Variants in CFAP157 observed in about 807,000 individuals in gnomAD.
CFAP157 encodes cilia and flagella associated protein 157, also known as cilia- and flagella-associated protein 157.
Under a neutral mutation model 57.8 loss-of-function variants are expected in CFAP157, and 43 were observed. That is an observed-to-expected ratio of 0.74 (90% CI 0.58 to 0.96). The LOEUF is 0.96. Among genes scored for constraint, CFAP157 ranks in the 40% least tolerant of loss-of-function variants. CFAP157 has a pLI of 0.00. For missense variants in CFAP157, 606 were observed against 655.3 expected (o/e 0.92, Z 0.82); for synonymous variants, 267 against 269.0 (o/e 0.99, Z 0.07).
chr9:127,713,759 G>T (rs569659059), intron 8 of CFAP157, 75 bp from the exon 9 acceptor site: 1 of 1,249,284 alleles, frequency 8.0e-7, no homozygotes, highest in Non-Finnish European at 1.2e-6. Context: ...CCCCAGCCTC[G>T]GCCTCCCAAA....
intron 1 of CFAP157, among the ~76,000 whole-genome samples, 158 bp downstream of exon 1, chr9:127,707,350 T>C (rs1002794558): frequency 1.3e-5 from 2 of 152,222 alleles, no homozygotes; most frequent in African/African-American, 2.4e-5. Flanking sequence ...TCCTCATACG[T>C]ACCTTTGGGA....
Position 127,709,351 on chromosome 9 carries a change from T to G in CFAP157, c.162-71T>G. The stretch of plus-strand genomic sequence containing the variant: ...TTACGGGACAGGGAGTCCAGGAGAG[T>G]GGGCCCAGCTGCACCAGAGGCCTGG... On this transcript the variant is annotated intron_variant, in intron 1 of 8. Transcript: ENST00000373295. This position sits in a 1 kb window ranked among gnomAD's most constrained non-coding sequence, Gnocchi z 4.7. 6.6e-7 allele frequency: 1 copy of G among 1,507,500 alleles called. No individual in the cohort carries two copies. The highest frequency in any genetic ancestry group is 9.0e-7 in the Non-Finnish European group (1 of 1,111,578). 93.4% of individuals were successfully genotyped at this position (1,507,500 alleles called of 1,614,324 possible). A position where few individuals can be genotyped will look rare whatever the true frequency, so the allele number is the denominator to read the frequency against.
At position 127,709,827 on chromosome 9, in the gene CFAP157, A is replaced by G. The variant is rs1842724003; in HGVS notation, c.433+134A>G. On this transcript the variant is annotated intron_variant, in intron 2 of 8. Coordinates refer to ENST00000373295, the MANE Select transcript of CFAP157 (RefSeq NM_001012502.3). The surrounding 1 kb of genome is among the most constrained non-coding windows in gnomAD (Gnocchi z 4.7). ...CACTGTCTTCCTTAATTGTCCCAGC[A>G]ATCCTACGAAGCTGGAAACATCCCC... 1 of 1,052,320 alleles carries G rather than the reference A, an allele frequency of 9.5e-7. No homozygotes were observed. The highest frequency in any genetic ancestry group is 1.6e-5 in the African/African-American group (1 of 62,214). The allele number at this position is 1,052,320 out of a possible 1,614,324, so 65.2% of individuals were successfully genotyped here.
Position 127,714,172 on chromosome 9 carries a change from C to A in CFAP157, c.*267C>A, listed in dbSNP as rs749361456. On this transcript the variant is annotated 3_prime_UTR_variant, in exon 9 of 9. Coordinates refer to ENST00000373295, the MANE Select transcript of CFAP157 (RefSeq NM_001012502.3). ...AGATCAGGTCGGTGGCTCGATCCAG[C>A]AACAGAGGCAGCAGCTCCTGCTCAG... 9 of 1,613,938 alleles carry A rather than the reference C, an allele frequency of 5.6e-6. No individual in the cohort carries two copies. The South Asian group carries it at 9.9e-5, about 18-fold the overall frequency.
chr9:127,713,388 C>A, intron 8 of CFAP157, 182 bp downstream of exon 8: 1 of 529,390 alleles, frequency 1.9e-6, no homozygotes, highest in Non-Finnish European at 3.2e-6. Context: ...AGCATGCCCA[C>A]ACATGCCCTG....
Position 127,714,532 on chromosome 9 carries a change from C to A in CFAP157, c.*627C>A. On this transcript the variant is annotated 3_prime_UTR_variant, in exon 9 of 9. Coordinates refer to ENST00000373295, the MANE Select transcript of CFAP157 (RefSeq NM_001012502.3). The stretch of plus-strand genomic sequence containing the variant: ...AGCCCATTTCCTGTGGAGACTGGGT[C>A]AGCAGCCCTACTCCACCCCAACTGG... 6.3e-7 allele frequency: 1 copy of A among 1,590,858 alleles called. No individual in the cohort carries two copies. The highest frequency in any genetic ancestry group is 1.1e-5 in the South Asian group (1 of 90,484).
rs774657891 is a variant in CFAP157, at chr9:127,715,623, A to G, written c.*1718A>G. 2.5e-6 allele frequency: 4 copies of G among 1,612,502 alleles called. No homozygotes were observed. The highest frequency in any genetic ancestry group is 3.4e-6 in the Non-Finnish European group (4 of 1,179,896). ...ACTCAGCCGCTGTCCGGCGCCCAAA[A>G]AGCCGCCCGGCCTCATGCTGCCCCC... On this transcript the variant is annotated 3_prime_UTR_variant, in exon 9 of 9. Coordinates refer to ENST00000373295, the MANE Select transcript of CFAP157 (RefSeq NM_001012502.3). This position sits in a 1 kb window ranked among gnomAD's most constrained non-coding sequence, Gnocchi z 5.8.
chr9:127,707,287 G>A (rs528494136), intron 1 of CFAP157, 95 bp downstream of exon 1: 2 of 1,380,640 alleles, frequency 1.4e-6, no homozygotes, highest in African/African-American at 1.4e-5. Context: ...CCTTAGGCCT[G>A]TGTTCTGACC....
intron 2 of CFAP157, 119 bp from the exon 3 acceptor site, chr9:127,710,482 C>T: frequency 7.1e-6 from 9 of 1,275,446 alleles, no homozygotes; most frequent in Middle Eastern, 2.7e-4. Context: ...ACCTGCCCCA[C>T]TGAGACCACA....
At position 127,712,720 on chromosome 9, in the gene CFAP157, T is replaced by C; in HGVS notation, c.1149T>C (p.Asp383=). The change falls in exon 7 of 9, where the codon GAT becomes GAC. Residue 383 remains aspartate, a synonymous_variant. Coordinates refer to ENST00000373295, the MANE Select transcript of CFAP157 (RefSeq NM_001012502.3). The part of the protein sequence containing the change: ...FLQNILQMHR[D]EEDSDVDVTF... ...ACCCTCACCAACAGATGCACCGCGA[T>C]GAAGAGGACAGTGACGTTGACGTGA... The C allele has an allele frequency of 6.2e-7, 1 of 1,614,122 alleles. No individual in the cohort carries two copies. Among genetic ancestry groups the C allele is most frequent in the Non-Finnish European group, 8.5e-7 (1 of 1,179,994 alleles).
Position 127,714,156 on chromosome 9 carries a change from C to G in CFAP157, c.*251C>G. The stretch of plus-strand genomic sequence containing the variant: ...TCACGGATGTGGTCCAAGATCAGGT[C>G]GGTGGCTCGATCCAGCAACAGAGGC... On this transcript the variant is annotated 3_prime_UTR_variant, in exon 9 of 9. Coordinates refer to ENST00000373295, the MANE Select transcript of CFAP157 (RefSeq NM_001012502.3). 1 of 1,613,832 alleles carries G rather than the reference C, an allele frequency of 6.2e-7. No individual in the cohort carries two copies. Among genetic ancestry groups the G allele is most frequent in the East Asian group, 2.2e-5 (1 of 44,878 alleles).
At position 127,710,606 on chromosome 9, in the gene CFAP157, A is replaced by G. The variant is rs79991050; in HGVS notation, c.439A>G (p.Lys147Glu). 1 of 1,581,146 alleles carries G rather than the reference A, an allele frequency of 6.3e-7. No individual in the cohort carries two copies. The change falls in exon 3 of 9, where the codon AAG (lysine) becomes GAG (glutamate). Residue 147 changes from lysine to glutamate, a missense_variant. Transcript: ENST00000373295. ...TTGTGCGCTGTGGCGGCCAGGGGGG[A>G]AGCTGGCAGCCCTGGAGGAGTTCCG... is the stretch of plus-strand genomic sequence containing the variant. Reference protein sequence around the residue: ...LTTENIILGGKLAALEEFRLQ... With the variant: ...LTTENIILGGELAALEEFRLQ...
rs2131593830 is a variant in CFAP157 at position 127,713,200 on chromosome 9, C to T, written c.1485C>T (p.Ser495=). The change falls in exon 8 of 9, where the codon AGC becomes AGT. Residue 495 remains serine, a synonymous_variant. Coordinates refer to ENST00000373295, the MANE Select transcript of CFAP157 (RefSeq NM_001012502.3). ...TRVGTFRAHS[S]PEMRAPGSLK... ...TGGGGACCTTCCGGGCACACAGCAG[C>T]CCTGAGGTGAGGGTGCCAGGGGCCC... The T allele has an allele frequency of 6.5e-7, 1 of 1,530,326 alleles. No homozygotes were observed. Among genetic ancestry groups the T allele is most frequent in the Non-Finnish European group, 8.8e-7 (1 of 1,138,656 alleles). 94.8% of individuals were successfully genotyped at this position (1,530,326 alleles called of 1,614,324 possible). A position where few individuals can be genotyped will look rare whatever the true frequency, so the allele number is the denominator to read the frequency against.
At position 127,715,599 on chromosome 9, in the gene CFAP157, C is replaced by G. The variant is rs1377742039; in HGVS notation, c.*1694C>G. Reference sequence around the variant, plus strand: ...CAAAACACATCGGCTCATGGCTCTACTCAGCCGCTGTCCGGCGCCCAAAAA... The same window carrying G: ...CAAAACACATCGGCTCATGGCTCTAGTCAGCCGCTGTCCGGCGCCCAAAAA... On this transcript the variant is annotated 3_prime_UTR_variant, in exon 9 of 9. Coordinates refer to ENST00000373295, the MANE Select transcript of CFAP157 (RefSeq NM_001012502.3). This position sits in a 1 kb window ranked among gnomAD's most constrained non-coding sequence, Gnocchi z 5.8. The G allele has an allele frequency of 6.2e-7, 1 of 1,613,074 alleles. No homozygotes were observed. Among genetic ancestry groups the G allele is most frequent in the South Asian group, 1.1e-5 (1 of 90,966 alleles).
chr9:127,711,000 T>C (rs759512726), intron 3 of CFAP157, among the ~76,000 whole-genome samples: 21 of 152,184 alleles, frequency 1.4e-4, no homozygotes, highest in Non-Finnish European at 2.4e-4. Flanking sequence ...TTGCCACTTA[T>C]TGGGATTAAA....
At position 127,711,486 on chromosome 9, in the gene CFAP157, G is replaced by A; in HGVS notation, c.845G>A (p.Gly282Asp). The change falls in exon 4 of 9, where the codon GGC becomes GAC. Residue 282 changes from glycine to aspartate, a missense_variant. Coordinates refer to ENST00000373295, the MANE Select transcript of CFAP157 (RefSeq NM_001012502.3). ...TQKVMARHKR[G>D]HQKIILMLTK... ...AAGGTCATGGCCAGGCACAAAAGAG[G>A]CCACCAGAAGGTGTGCCTGCAGGCC... 6.2e-7 allele frequency: 1 copy of A among 1,613,298 alleles called. No homozygotes were observed. The highest frequency in any genetic ancestry group is 8.5e-7 in the Non-Finnish European group (1 of 1,179,826).
Position 127,715,745 on chromosome 9 carries a change from G to T in CFAP157, c.*1840G>T. 1.0e-5 allele frequency: 16 copies of T among 1,534,634 alleles called. No individual in the cohort carries two copies. The highest frequency in any genetic ancestry group is 1.4e-5 in the Non-Finnish European group (16 of 1,146,140). ...CACCGCCAACGTCCAATCCGGGCCG[G>T]GCTACGTGGCCGCCATGCTTCTGAG... On this transcript the variant is annotated 3_prime_UTR_variant, in exon 9 of 9. Coordinates refer to ENST00000373295, the MANE Select transcript of CFAP157 (RefSeq NM_001012502.3). The surrounding 1 kb of genome is among the most constrained non-coding windows in gnomAD (Gnocchi z 5.8).
At position 127,707,208 on chromosome 9, in the gene CFAP157, G is replaced by A. The variant is rs1842666746; in HGVS notation, c.161+16G>A. 2.5e-6 allele frequency: 4 copies of A among 1,606,616 alleles called. No individual in the cohort carries two copies. Among genetic ancestry groups the A allele is most frequent in the Non-Finnish European group, 3.4e-6 (4 of 1,178,364 alleles). ...GGCTAGCCCGGTGCGTGGGCTGGCG[G>A]GCAGGAGTCTGGTGCCCTGGGTCAG... On this transcript the variant is annotated intron_variant, in intron 1 of 8. Coordinates refer to ENST00000373295, the MANE Select transcript of CFAP157 (RefSeq NM_001012502.3).
rs1168928533 is a variant in CFAP157 at position 127,715,636 on chromosome 9, TCATGCTGCCC to T, written c.*1733_*1742del. 1 of 1,611,612 alleles carries T rather than the reference TCATGCTGCCC, an allele frequency of 6.2e-7. No homozygotes were observed. Among genetic ancestry groups the T allele is most frequent in the Non-Finnish European group, 8.5e-7 (1 of 1,179,762 alleles). The stretch of plus-strand genomic sequence containing the variant: ...CCGGCGCCCAAAAAGCCGCCCGGCC[TCATGCTGCCC>T]CCATTCACTCCGACACCGCCCCCTG... On this transcript the variant is annotated 3_prime_UTR_variant, in exon 9 of 9. Transcript: ENST00000373295. The surrounding 1 kb of genome is among the most constrained non-coding windows in gnomAD (Gnocchi z 5.8).
Sources: allele counts gnomAD v4.1 joint callset (sites outside exome capture counted in the v4.1 genomes callset), GRCh38; gene constraint gnomAD v4.1.1; non-coding constraint Gnocchi (gnomAD v3.1); transcripts MANE v1.5; gene names NCBI Gene and HGNC (gene_info 2026-07-23, HGNC 2026-07-21).